Variants in PCDHGC3 observed in about 807,000 individuals in gnomAD.
The protein encoded by PCDHGC3 is protocadherin gamma-C3.
PCDHGC3 carries 26 observed loss-of-function variants against 59.2 expected under a neutral mutation model. The ratio of observed to expected loss-of-function variants is 0.44; its 90% CI spans 0.32 to 0.61. The LOEUF (loss-of-function observed/expected upper bound fraction) is 0.61. Among genes scored for constraint, PCDHGC3 ranks in the 20% least tolerant of loss-of-function variants. The probability of loss-of-function intolerance (pLI) is 0.05; values close to 1 mark genes in which losing one functional copy is unlikely to be tolerated. For missense variants in PCDHGC3, 1,080 were observed against 1,221.8 expected, an observed-to-expected ratio of 0.88 and a Z score of 1.73; for synonymous variants, 487 against 519.7, an observed-to-expected ratio of 0.94 and a Z score of 0.86.
chr5:141,478,302 C>T lies in PCDHGC3; in HGVS notation c.2186C>T (p.Ala729Val). The change falls in exon 1 of 4, where the codon GCC (alanine) becomes GTC (valine). Residue 729 changes from alanine to valine, a missense_variant. Physicochemically the swap from Ala to Val is moderately conservative, Grantham distance 64. Transcript: ENST00000308177. ...KWKQSRDLYR[A>V]PVSSLYRTPG... ...AAGCAGTCTAGAGACCTATACCGAG[C>T]CCCGGTGAGCTCACTGTACCGAACA... 4 of 1,614,070 alleles carry T rather than the reference C, an allele frequency of 2.5e-6. No individual in the cohort carries two copies. Among genetic ancestry groups the T allele is most frequent in the Non-Finnish European group, 3.4e-6 (4 of 1,180,038 alleles).
rs926009065 is a variant in PCDHGC3, at chr5:141,488,023, AG to A, written c.2431-6782del. ...TCAGATTCTGAAGTACCTTAACTCT[AG>A]GTTACCATTTCCCAAGGGATTGAGG... On this transcript the variant is annotated intron_variant, in intron 1 of 3. Transcript: ENST00000308177. 1.4e-3 allele frequency among the ~76,000 whole-genome samples: 213 copies of A among 152,260 alleles called. 1 individual carries two copies. The highest frequency in any genetic ancestry group is 5.0e-3 in the African/African-American group (208 of 41,542).
intron 3 of PCDHGC3, among the ~76,000 whole-genome samples, chr5:141,508,439 T>C (rs1037512760): frequency 1.3e-5 from 2 of 152,188 alleles, no homozygotes; most frequent in African/African-American, 4.8e-5. Flanking sequence ...ACACAGTTCC[T>C]TAGTGGCAGA....
In PCDHGC3 at chr5:141,486,435, A is replaced by G. The variant is rs2099629501; in HGVS notation, c.2430+7889A>G. The G allele has an allele frequency of 6.2e-7, 1 of 1,614,118 alleles. No homozygotes were observed. Among genetic ancestry groups the G allele is most frequent in the Non-Finnish European group, 8.5e-7 (1 of 1,179,960 alleles). ...TTGGATCGAGAGGCCAAATCTAGCT[A>G]TGACATCATGGTCACTGCTTCTGAT... is the stretch of plus-strand genomic sequence containing the variant. On this transcript the variant is annotated intron_variant, in intron 1 of 3. Coordinates refer to ENST00000308177, the MANE Select transcript of PCDHGC3 (RefSeq NM_002588.4). This position sits in a 1 kb window ranked among gnomAD's most constrained non-coding sequence, Gnocchi z 5.0.
rs759439765 is a variant in PCDHGC3 at position 141,478,199 on chromosome 5, C to A, written c.2083C>A (p.Leu695Ile). ...GAAAAAAAATCTCACCTTTTATCTA[C>A]TTCTTTCTCTAATCCTGGTTTCTGT... ...EQKKNLTFYL[L>I]LSLILVSVGF... Residue 695 changes from leucine to isoleucine, a missense_variant, in exon 1 of 4, where the codon CTT becomes ATT. Coordinates refer to ENST00000308177, the MANE Select transcript of PCDHGC3 (RefSeq NM_002588.4). The A allele has an allele frequency of 3.8e-5, 62 of 1,613,938 alleles. No homozygotes were observed. Among genetic ancestry groups the A allele is most frequent in the Non-Finnish European group, 5.0e-5 (59 of 1,180,046 alleles).
Position 141,476,437 on chromosome 5 carries a change from T to C in PCDHGC3, c.321T>C (p.Thr107=), listed in dbSNP as rs1260141259. The C allele has an allele frequency of 6.2e-7, 1 of 1,614,004 alleles. No homozygotes were observed. Among genetic ancestry groups the C allele is most frequent in the East Asian group, 2.2e-5 (1 of 44,836 alleles). The part of the protein sequence containing the change: ...LCGTLPSCTV[T]LELVVENPLE... ...GGACACTGCCCTCTTGCACTGTAAC[T>C]CTGGAGTTGGTAGTGGAGAACCCGC... The change falls in exon 1 of 4, where the codon ACT becomes ACC. Residue 107 remains threonine, a synonymous_variant. Transcript: ENST00000308177. This position sits in a 1 kb window ranked among gnomAD's most constrained non-coding sequence, Gnocchi z 7.6.
At chr5:141,502,191 A>G (rs2099813218) in intron 2 of PCDHGC3, among the ~76,000 whole-genome samples, 1 of 152,170 alleles carries the variant, frequency 6.6e-6, no homozygotes, top group Non-Finnish European at 1.5e-5. Flanking sequence ...TAATACAATA[A>G]TATAGAATCC....
At position 141,489,358 on chromosome 5, in the gene PCDHGC3, G is replaced by A; in HGVS notation, c.2431-5449G>A. On this transcript the variant is annotated intron_variant, in intron 1 of 3. Transcript: ENST00000308177. This position sits in a 1 kb window ranked among gnomAD's most constrained non-coding sequence, Gnocchi z 4.5. ...TCGTTACTCAGTGGTGGAGGAGTCT[G>A]AGCCGGGGACGCTGGTGGGGAATGT... 1 of 1,613,144 alleles carries A rather than the reference G, an allele frequency of 6.2e-7. No individual in the cohort carries two copies. The highest frequency in any genetic ancestry group is 8.5e-7 in the Non-Finnish European group (1 of 1,179,278).
rs1424221139 is a variant in PCDHGC3, at chr5:141,491,867, T to G, written c.2431-2940T>G. On this transcript the variant is annotated intron_variant, in intron 1 of 3. Coordinates refer to ENST00000308177, the MANE Select transcript of PCDHGC3 (RefSeq NM_002588.4). The surrounding 1 kb of genome is among the most constrained non-coding windows in gnomAD (Gnocchi z 6.9). ...TTGGACCGTTTGCGCGAAACCAGAG[T>G]GGCCGATTAAGGGATGGGGCTCCGA... 2 of 1,452,218 alleles carry G rather than the reference T, an allele frequency of 1.4e-6. No homozygotes were observed. The highest frequency in any genetic ancestry group is 1.8e-6 in the Non-Finnish European group (2 of 1,099,056). 90.0% of individuals were successfully genotyped at this position (1,452,218 alleles called of 1,614,324 possible).
intron 3 of PCDHGC3, among the ~76,000 whole-genome samples, chr5:141,505,697 C>T (rs540949327): frequency 1.4e-4 from 21 of 152,198 alleles, no homozygotes; most frequent in Admixed American, 7.2e-4. Context: ...TGGAGGAGAG[C>T]GAACAAGGAA....
At position 141,478,488 on chromosome 5, in the gene PCDHGC3, G is replaced by A; in HGVS notation, c.2372G>A (p.Ser791Asn). ...GCCAGCCGCCAGAACACGCTGCGGAGCTGTGATCCGGTGTTCTATAGGCAG... is the reference window on the plus strand; with the variant it reads ...GCCAGCCGCCAGAACACGCTGCGGAACTGTGATCCGGTGTTCTATAGGCAG... Reference protein sequence around the residue: ...PLASRQNTLRSCDPVFYRQVL... With the variant: ...PLASRQNTLRNCDPVFYRQVL... Residue 791 changes from serine to asparagine, a missense_variant, in exon 1 of 4, where the codon AGC (serine) becomes AAC (asparagine). Physicochemically the swap from Ser to Asn is conservative, Grantham distance 46 (BLOSUM62 1). Coordinates refer to ENST00000308177, the MANE Select transcript of PCDHGC3 (RefSeq NM_002588.4). The A allele has an allele frequency of 6.2e-7, 1 of 1,613,320 alleles. No homozygotes were observed. Among genetic ancestry groups the A allele is most frequent in the Non-Finnish European group, 8.5e-7 (1 of 1,179,620 alleles).
At chr5:141,507,858 AC>A (rs2099864314) in intron 3 of PCDHGC3, among the ~76,000 whole-genome samples, 1 of 151,748 alleles carries the variant, frequency 6.6e-6, no homozygotes, top group African/African-American at 2.4e-5. Flanking sequence ...TCACTTTCAC[AC>A]CCGCTTCCTA....
In PCDHGC3 at chr5:141,487,934, C is replaced by T; in HGVS notation, c.2431-6873C>T. 4.9e-6 allele frequency: 3 copies of T among 607,674 alleles called. No homozygotes were observed. The highest frequency in any genetic ancestry group is 2.1e-5 in the South Asian group (1 of 48,014). 37.6% of individuals were successfully genotyped at this position (607,674 alleles called of 1,614,324 possible). Reference sequence around the variant, plus strand: ...ACAGGAGGCTACAGTGCACAGGGTACAGTGCACCAGGCAGTCACTTGGACA... The same window carrying T: ...ACAGGAGGCTACAGTGCACAGGGTATAGTGCACCAGGCAGTCACTTGGACA... On this transcript the variant is annotated intron_variant, in intron 1 of 3. Transcript: ENST00000308177. This position sits in a 1 kb window ranked among gnomAD's most constrained non-coding sequence, Gnocchi z 5.0.
Position 141,478,478 on chromosome 5 carries a change from A to T in PCDHGC3, c.2362A>T (p.Thr788Ser), listed in dbSNP as rs764926007. The T allele has an allele frequency of 1.2e-6, 2 of 1,613,740 alleles. No homozygotes were observed. The highest frequency in any genetic ancestry group is 4.5e-5 in the East Asian group (2 of 44,880). ...CAGTCCACTGGCCAGCCGCCAGAACACGCTGCGGAGCTGTGATCCGGTGTT... is the reference window on the plus strand; with the variant it reads ...CAGTCCACTGGCCAGCCGCCAGAACTCGCTGCGGAGCTGTGATCCGGTGTT... ...AASPLASRQN[T>S]LRSCDPVFYR... Residue 788 changes from threonine to serine, a missense_variant, in exon 1 of 4, where the codon ACG becomes TCG. Physicochemically the swap from Thr to Ser is moderately conservative, Grantham distance 58. Coordinates refer to ENST00000308177, the MANE Select transcript of PCDHGC3 (RefSeq NM_002588.4).
intron 2 of PCDHGC3, among the ~76,000 whole-genome samples, chr5:141,504,008 C>G (rs2099835164): frequency 6.6e-6 from 1 of 152,208 alleles, no homozygotes; most frequent in South Asian, 2.1e-4. Flanking sequence ...ACTTAACTGT[C>G]TCTGCTGGTC....
rs376996144 is a variant in PCDHGC3, at chr5:141,491,534, G to C, written c.2431-3273G>C. 3.7e-6 allele frequency: 6 copies of C among 1,613,912 alleles called. No homozygotes were observed. The highest frequency in any genetic ancestry group is 1.3e-5 in the African/African-American group (1 of 74,928). ...CTCAAGTACATGGAGGTGACGCTGC[G>C]GCCCACAGACTCGCAGAGCCACTGC... On this transcript the variant is annotated intron_variant, in intron 1 of 3. Coordinates refer to ENST00000308177, the MANE Select transcript of PCDHGC3 (RefSeq NM_002588.4). This position sits in a 1 kb window ranked among gnomAD's most constrained non-coding sequence, Gnocchi z 6.9.
chr5:141,496,916 T>C (rs1252437822), intron 2 of PCDHGC3, among the ~76,000 whole-genome samples: 4 of 148,274 alleles, frequency 2.7e-5, no homozygotes, highest in African/African-American at 9.9e-5. Context: ...CTGGGCACTG[T>C]GGTTCACGCC....
At position 141,491,583 on chromosome 5, in the gene PCDHGC3, C is replaced by T; in HGVS notation, c.2431-3224C>T. On this transcript the variant is annotated intron_variant, in intron 1 of 3. Transcript: ENST00000308177. The surrounding 1 kb of genome is among the most constrained non-coding windows in gnomAD (Gnocchi z 6.9). ...GCTACAGGACGTGCTTTTCACCGGC[C>T]TCGGACGGCAGTGACTTCACTTTTC... 1 of 1,613,964 alleles carries T rather than the reference C, an allele frequency of 6.2e-7. No individual in the cohort carries two copies. Among genetic ancestry groups the T allele is most frequent in the African/African-American group, 1.3e-5 (1 of 75,032 alleles).
Position 141,478,016 on chromosome 5 carries a change from G to A in PCDHGC3, c.1900G>A (p.Val634Ile), listed in dbSNP as rs1204231648. The A allele has an allele frequency of 6.2e-7, 1 of 1,614,108 alleles. No individual in the cohort carries two copies. Among genetic ancestry groups the A allele is most frequent in the Non-Finnish European group, 8.5e-7 (1 of 1,180,018 alleles). Residue 634 changes from valine to isoleucine, a missense_variant, in exon 1 of 4, where the codon GTC (valine) becomes ATC (isoleucine). Transcript: ENST00000308177. ...TGGTCAAATCAGTACTGCCCGTCCAGTCCAAGACACAGATTCACCCAGGCA... is the reference window on the plus strand; with the variant it reads ...TGGTCAAATCAGTACTGCCCGTCCAATCCAAGACACAGATTCACCCAGGCA... ...HTGQISTARP[V>I]QDTDSPRQTL...
intron 2 of PCDHGC3, among the ~76,000 whole-genome samples, chr5:141,497,539 C>A (rs2099777336): frequency 6.9e-6 from 1 of 145,274 alleles, no homozygotes; most frequent in African/African-American, 2.6e-5. Context: ...ATGCAACAAA[C>A]CTTTTTTTTT....
Sources: gnomAD v4.1 joint callset for allele counts (sites outside exome capture counted in the v4.1 genomes callset) on GRCh38, gnomAD v4.1.1 for gene constraint, Gnocchi (gnomAD v3.1) non-coding constraint, MANE v1.5 for transcripts, NCBI Gene and HGNC (gene_info 2026-07-23, HGNC 2026-07-21) for gene names.